NRG3: variants seen among roughly 807,000 people sequenced by gnomAD.
NRG3 encodes pro-neuregulin-3, membrane-bound isoform.
A neutral mutation model predicts 66.9 loss-of-function variants in NRG3; 31 were observed. The observed-to-expected ratio is 0.46, with a 90% CI of 0.35 to 0.63. NRG3 has a LOEUF of 0.63. NRG3 is among the 20% of genes least tolerant of loss of function. The pLI, the probability that NRG3 is intolerant of heterozygous loss-of-function variation, is 0.00. For missense variants in NRG3, 910 were observed against 878.9 expected (o/e 1.04, Z -0.45); for synonymous variants, 393 against 359.4 (o/e 1.09, Z -1.06).
At chr10:82,452,280 C>T (rs1459699262) in intron 2 of NRG3, among the ~76,000 whole-genome samples, 1 of 152,198 alleles carries the variant, frequency 6.6e-6, no homozygotes, top group African/African-American at 2.4e-5. Flanking sequence ...CCATCCAGAA[C>T]ATGACGGATT....
At chr10:81,938,977 A>C (rs1246245111) in intron 1 of NRG3, among the ~76,000 whole-genome samples, 3 of 151,966 alleles carry the variant, frequency 2.0e-5, no homozygotes, top group Admixed American at 1.3e-4. Context: ...AAGGGTACTT[A>C]ATTTTGTCAA....
chr10:82,389,412 A>C (rs544838211), intron 2 of NRG3, among the ~76,000 whole-genome samples: 1 of 152,194 alleles, frequency 6.6e-6, no homozygotes, highest in Non-Finnish European at 1.5e-5. Context: ...TTTGCTAAAA[A>C]GAGATTTTCT....
intron 1 of NRG3, among the ~76,000 whole-genome samples, chr10:82,220,744 C>T (rs1397745665): frequency 2.0e-5 from 3 of 152,108 alleles, no homozygotes; most frequent in Non-Finnish European, 4.4e-5. Flanking sequence ...AGCTGAGCAT[C>T]ATAGCCTGTA....
At chr10:81,896,245 C>T (rs990894366) in intron 1 of NRG3, among the ~76,000 whole-genome samples, 2 of 152,086 alleles carry the variant, frequency 1.3e-5, no homozygotes, top group Non-Finnish European at 2.9e-5. Context: ...GTGGGATGCT[C>T]AGTTTGAAAC....
At chr10:82,914,132 T>C (rs895823077) in intron 4 of NRG3, among the ~76,000 whole-genome samples, 4 of 152,004 alleles carry the variant, frequency 2.6e-5, no homozygotes, top group African/African-American at 9.7e-5. Context: ...TTTTTTCTAG[T>C]ACTTCCTTTG....
chr10:82,469,008 T>C (rs1045781958), intron 2 of NRG3, among the ~76,000 whole-genome samples: 3 of 152,198 alleles, frequency 2.0e-5, no homozygotes, highest in African/African-American at 7.2e-5. Context: ...AAAGATAAGC[T>C]CCCAGTCAGC....
intron 2 of NRG3, among the ~76,000 whole-genome samples, chr10:82,720,991 C>T (rs1451139652): frequency 6.6e-6 from 1 of 150,690 alleles, no homozygotes; most frequent in African/African-American, 2.4e-5. Flanking sequence ...CTGAATTTCA[C>T]TTTGAATTTA....
At chr10:82,823,497 A>T (rs1235688569) in intron 3 of NRG3, among the ~76,000 whole-genome samples, 1 of 152,170 alleles carries the variant, frequency 6.6e-6, no homozygotes, top group Non-Finnish European at 1.5e-5. Context: ...TAGAGCTGAG[A>T]GAGTGGTGAG....
At chr10:82,824,252 T>TA (rs777136116) in intron 3 of NRG3, among the ~76,000 whole-genome samples, 23 of 152,266 alleles carry the variant, frequency 1.5e-4, no homozygotes, top group Non-Finnish European at 3.4e-4. Flanking sequence ...TGCATGGATA[T>TA]ACCACAGTTT....
chr10:82,126,006 A>G (rs1334292097), intron 1 of NRG3, among the ~76,000 whole-genome samples: 1 of 152,030 alleles, frequency 6.6e-6, no homozygotes, highest in Non-Finnish European at 1.5e-5. Flanking sequence ...TGACCATGAA[A>G]TTTATTTTAC....
At chr10:82,536,660 A>G (rs898114768) in intron 2 of NRG3, among the ~76,000 whole-genome samples, 5 of 123,568 alleles carry the variant, frequency 4.0e-5, no homozygotes, top group African/African-American at 1.3e-4. Context: ...TTCCCAGCCA[A>G]GAAATTGGAT....
chr10:82,160,994 C>T (rs140639376), intron 1 of NRG3, among the ~76,000 whole-genome samples: 7 of 151,988 alleles, frequency 4.6e-5, no homozygotes, highest in Admixed American at 2.6e-4. Flanking sequence ...ACACTGTTAG[C>T]GAGGTTAGAC....
chr10:82,098,842 C>T (rs2066543043), intron 1 of NRG3, among the ~76,000 whole-genome samples: 1 of 152,208 alleles, frequency 6.6e-6, no homozygotes, highest in Non-Finnish European at 1.5e-5. Flanking sequence ...CGGCTCACTG[C>T]AAGCTCCACC....
At chr10:82,770,296 C>T (rs910225588) in intron 3 of NRG3, among the ~76,000 whole-genome samples, 1 of 152,058 alleles carries the variant, frequency 6.6e-6, no homozygotes, top group Non-Finnish European at 1.5e-5. Flanking sequence ...TATTCAAGTA[C>T]TTTAGTAAAA....
intron 2 of NRG3, among the ~76,000 whole-genome samples, chr10:82,558,188 G>C (rs1565068174): frequency 6.6e-6 from 1 of 152,208 alleles, no homozygotes; most frequent in Non-Finnish European, 1.5e-5. Flanking sequence ...ATGGTGGCTA[G>C]AGGATAAGCT....
At chr10:82,879,238 G>T (rs1454154606) in intron 4 of NRG3, among the ~76,000 whole-genome samples, 38 of 152,060 alleles carry the variant, frequency 2.5e-4, no homozygotes, top group Non-Finnish European at 4.4e-5. Flanking sequence ...AATTATAAAA[G>T]CTCAATGAAT....
intron 2 of NRG3, among the ~76,000 whole-genome samples, chr10:82,726,579 C>A (rs1383409491): frequency 6.6e-6 from 1 of 152,126 alleles, no homozygotes; most frequent in Non-Finnish European, 1.5e-5. Context: ...TGATTGGGAG[C>A]CTCCCCAGCC....
At chr10:81,883,577 T>C (rs1842368009) in intron 1 of NRG3, among the ~76,000 whole-genome samples, 1 of 152,182 alleles carries the variant, frequency 6.6e-6, no homozygotes, top group Non-Finnish European at 1.5e-5. Context: ...ATACGAACAT[T>C]TTTTTAAAGA....
At chr10:82,282,031 A>G (rs2079149006) in intron 1 of NRG3, among the ~76,000 whole-genome samples, 1 of 152,060 alleles carries the variant, frequency 6.6e-6, no homozygotes. Context: ...GCCTGTGCTT[A>G]TATGGCTGTG....
Sources: gnomAD v4.1 joint callset for allele counts (sites outside exome capture counted in the v4.1 genomes callset) on GRCh38, gnomAD v4.1.1 for gene constraint, MANE v1.5 for transcripts, NCBI Gene and HGNC (gene_info 2026-07-23, HGNC 2026-07-21) for gene names.